GAB2: variants seen among roughly 807,000 people sequenced by gnomAD.
GAB2 encodes GRB2-associated-binding protein 2.
Under a neutral mutation model 65.5 loss-of-function variants are expected in GAB2, and 26 were observed. The ratio of observed to expected loss-of-function variants is 0.40; its 90% CI spans 0.29 to 0.55. GAB2 has a LOEUF of 0.55. Ranked by LOEUF, GAB2 falls within the 20% of genes least tolerant of loss-of-function variation. GAB2 has a pLI of 0.53. For synonymous variants in GAB2, 321 were observed against 329.6 expected (o/e 0.97, Z 0.28); for missense variants, 884 against 875.8 (o/e 1.01, Z -0.12).
intron 3 of GAB2, among the ~76,000 whole-genome samples, chr11:78,244,169 A>T (rs1865224969): frequency 6.6e-6 from 1 of 151,996 alleles, no homozygotes; most frequent in Admixed American, 6.6e-5. Flanking sequence ...AGATGGGCAG[A>T]TTCCTTGAGG....
intron 1 of GAB2, among the ~76,000 whole-genome samples, chr11:78,369,304 A>G (rs1316991725): frequency 6.6e-6 from 1 of 152,230 alleles, no homozygotes; most frequent in Non-Finnish European, 1.5e-5. Flanking sequence ...TAACTGGGTT[A>G]GTTTACAGTG....
chr11:78,276,296 C>G (rs1012531819), intron 2 of GAB2, among the ~76,000 whole-genome samples: 5 of 151,848 alleles, frequency 3.3e-5, no homozygotes, highest in Admixed American at 6.6e-5. Flanking sequence ...CTCACAAGAC[C>G]CTGCCTCTTA....
intron 3 of GAB2, among the ~76,000 whole-genome samples, chr11:78,228,171 G>A (rs34203270): frequency 0.053 from 8,044 of 152,174 alleles, 336 homozygotes; most frequent in Non-Finnish European, 0.076. Flanking sequence ...ATCTGGCCCC[G>A]ATGCTCTACA....
At chr11:78,383,250 C>T (rs1856720250) in intron 1 of GAB2, among the ~76,000 whole-genome samples, 1 of 151,824 alleles carries the variant, frequency 6.6e-6, no homozygotes, top group Non-Finnish European at 1.5e-5. Context: ...CCAGACTGGG[C>T]AACAAGAGCA....
At chr11:78,250,014 C>G in intron 3 of GAB2, 143 bp downstream of exon 3, 1 of 874,912 alleles carries the variant, frequency 1.1e-6, no homozygotes, top group Non-Finnish European at 1.8e-6. Flanking sequence ...GCTACAGAAG[C>G]AAAAAATTAT....
chr11:78,360,305 A>C (rs1856416859), intron 1 of GAB2, among the ~76,000 whole-genome samples: 1 of 152,036 alleles, frequency 6.6e-6, no homozygotes, highest in African/African-American at 2.4e-5. Context: ...ATGATAGCTC[A>C]AGCCTGTGAT....
At position 78,366,415 on chromosome 11, in the gene GAB2, G is replaced by A. The variant is rs144682118; in HGVS notation, c.75+51231C>T. Among the ~76,000 whole-genome samples the A allele has an allele frequency of 5.8e-3, 886 of 151,788 alleles. 32 individuals are homozygous for A. The highest frequency in any genetic ancestry group is 0.051 in the Admixed American group (784 of 15,260). ...GCCAACATGGCGAAATTAGATTTCC[G>A]TCTCTACTAAAAATACAAAAATTAG... On this transcript the variant is annotated intron_variant, in intron 1 of 9. Coordinates refer to ENST00000361507, the MANE Select transcript of GAB2 (RefSeq NM_080491.3).
chr11:78,225,017 A>G (rs1386728214), intron 5 of GAB2, 91 bp downstream of exon 5: 4 of 775,944 alleles, frequency 5.2e-6, no homozygotes, highest in Non-Finnish European at 4.4e-6. Context: ...AGACGCCATC[A>G]ATCTTTTGGG....
At chr11:78,324,896 TG>T (rs1404016519) in intron 1 of GAB2, 1 of 152,190 alleles carries the variant, frequency 6.6e-6, no homozygotes, top group Non-Finnish European at 1.5e-5. Context: ...TTTACAGTGA[TG>T]GGCCAGAGAC....
At chr11:78,267,227 A>G (rs1565133739) in intron 2 of GAB2, among the ~76,000 whole-genome samples, 4 of 152,254 alleles carry the variant, frequency 2.6e-5, no homozygotes, top group Non-Finnish European at 5.9e-5. Context: ...ACACAAGAGC[A>G]GGGCTAGGAA....
At chr11:78,414,098 A>G (rs1857163133) in intron 1 of GAB2, among the ~76,000 whole-genome samples, 1 of 151,696 alleles carries the variant, frequency 6.6e-6, no homozygotes, top group Admixed American at 6.6e-5. Context: ...AAAAAAAAAA[A>G]AAAAAAAAAG....
intron 1 of GAB2, among the ~76,000 whole-genome samples, chr11:78,335,520 T>C (rs781561423): frequency 5.9e-5 from 9 of 152,260 alleles, no homozygotes; most frequent in African/African-American, 9.6e-5. Flanking sequence ...GTGTGTGTTC[T>C]TGGCAGCTTT....
intron 2 of GAB2, among the ~76,000 whole-genome samples, chr11:78,274,235 G>C (rs983123838): frequency 1.3e-5 from 2 of 152,104 alleles, no homozygotes; most frequent in East Asian, 3.9e-4. Context: ...TCCAGCCTGG[G>C]CACAGACAGA....
At chr11:78,300,128 C>G (rs949450466) in intron 1 of GAB2, among the ~76,000 whole-genome samples, 4 of 152,170 alleles carry the variant, frequency 2.6e-5, no homozygotes, top group African/African-American at 9.7e-5. Flanking sequence ...ACTCCCTATC[C>G]TGGTGCCAGG....
intron 1 of GAB2, among the ~76,000 whole-genome samples, chr11:78,321,303 T>G (rs1855719179): frequency 6.6e-6 from 1 of 152,212 alleles, no homozygotes; most frequent in Non-Finnish European, 1.5e-5. Context: ...TCCCACAATC[T>G]TCTATCCATC....
At chr11:78,375,719 A>C (rs1218253487) in intron 1 of GAB2, among the ~76,000 whole-genome samples, 2 of 152,338 alleles carry the variant, frequency 1.3e-5, no homozygotes, top group Admixed American at 1.3e-4. Context: ...AAGCTTACAT[A>C]GTCAGTGATA....
At chr11:78,324,408 A>C (rs572267897) in intron 1 of GAB2, among the ~76,000 whole-genome samples, 1 of 152,290 alleles carries the variant, frequency 6.6e-6, no homozygotes, top group Non-Finnish European at 1.5e-5. Context: ...ATAGATGATA[A>C]ATAAAACATT....
At position 78,383,581 on chromosome 11, in the gene GAB2, C is replaced by CAAAAAAAAAAAA. The variant is rs534814220; in HGVS notation, c.75+34053_75+34064dup. Among the ~76,000 whole-genome samples the CAAAAAAAAAAAA allele has an allele frequency of 2.8e-3, 157 of 55,462 alleles. 1 individual carries two copies. Among genetic ancestry groups the CAAAAAAAAAAAA allele is most frequent in the Middle Eastern group, 0.014 (1 of 72 alleles). The allele number at this position is 55,462 out of a possible 152,430, so 36.4% of individuals were successfully genotyped here. A position where few individuals can be genotyped will look rare whatever the true frequency, so the allele number is the denominator to read the frequency against. On this transcript the variant is annotated intron_variant, in intron 1 of 9. Coordinates refer to ENST00000361507, the MANE Select transcript of GAB2 (RefSeq NM_080491.3). ...GCAACATGGCAAAACCCTGTCTCTC[C>CAAAAAAAAAAAA]AAAAAAAAAAAAAAAAAAATACAAA... is the stretch of plus-strand genomic sequence containing the variant.
intron 1 of GAB2, among the ~76,000 whole-genome samples, chr11:78,365,793 TAAG>T (rs1856488819): frequency 6.6e-6 from 1 of 152,098 alleles, no homozygotes; most frequent in South Asian, 2.1e-4. Flanking sequence ...AAAAATAACT[TAAG>T]AAACACTTCC....
Sources: allele counts gnomAD v4.1 joint callset (sites outside exome capture counted in the v4.1 genomes callset), GRCh38; gene constraint gnomAD v4.1.1; transcripts MANE v1.5; gene names NCBI Gene and HGNC (gene_info 2026-07-23, HGNC 2026-07-21).